The following SLC35F4 variants were observed in gnomAD, a reference collection of about 807,000 sequenced individuals.
SLC35F4 encodes the protein solute carrier family 35 member F4.
A neutral mutation model predicts 44.2 loss-of-function variants in SLC35F4; 24 were observed. The ratio of observed to expected loss-of-function variants is 0.54; its 90% CI spans 0.39 to 0.76. The LOEUF (loss-of-function observed/expected upper bound fraction) is 0.76. Ranked by LOEUF, SLC35F4 falls within the 30% of genes least tolerant of loss-of-function variation. The pLI is 0.00. For synonymous variants in SLC35F4, 238 were observed against 223.6 expected, an observed-to-expected ratio of 1.06 and a Z score of -0.57; for missense variants, 562 against 586.1, an observed-to-expected ratio of 0.96 and a Z score of 0.42.
intron 2 of SLC35F4, among the ~76,000 whole-genome samples, chr14:57,591,371 T>G (rs1250622701): frequency 1.3e-5 from 2 of 152,196 alleles, no homozygotes; most frequent in Non-Finnish European, 2.9e-5. Context: ...GTTACTCAGC[T>G]CCTTCAGCTG....
intron 1 of SLC35F4, among the ~76,000 whole-genome samples, chr14:57,883,761 G>A (rs764457055): frequency 1.7e-4 from 26 of 152,146 alleles, no homozygotes; most frequent in Non-Finnish European, 3.7e-4. Flanking sequence ...TGAGATGGCA[G>A]AGATGAAAAT....
intron 1 of SLC35F4, among the ~76,000 whole-genome samples, chr14:57,963,257 C>T (rs1433106404): frequency 6.6e-6 from 1 of 152,202 alleles, no homozygotes; most frequent in Non-Finnish European, 1.5e-5. Flanking sequence ...AGTCCAGCCT[C>T]CAGCAGGTCA....
At chr14:57,741,536 G>C (rs1454939930) in intron 1 of SLC35F4, among the ~76,000 whole-genome samples, 2 of 151,976 alleles carry the variant, frequency 1.3e-5, no homozygotes, top group Non-Finnish European at 2.9e-5. Context: ...GAGAAGTTTA[G>C]AGAAAAAAGA....
intron 1 of SLC35F4, among the ~76,000 whole-genome samples, chr14:57,606,045 T>A (rs8018860): frequency 0.71 from 107,340 of 152,070 alleles, 38,705 homozygotes; most frequent in Middle Eastern, 0.8. Flanking sequence ...ATTCATTTGT[T>A]CTTCAAACCT....
chr14:57,747,959 C>A (rs146965826), intron 1 of SLC35F4, among the ~76,000 whole-genome samples: 275 of 152,270 alleles, frequency 1.8e-3, no homozygotes, highest in Non-Finnish European at 3.2e-3. Flanking sequence ...GAAAGCAATT[C>A]ACTTTTAGGA....
chr14:57,919,904 G>A (rs951327235), intron 1 of SLC35F4, among the ~76,000 whole-genome samples: 11 of 152,072 alleles, frequency 7.2e-5, no homozygotes, highest in Admixed American at 5.9e-4. Flanking sequence ...TCTTTTAGAC[G>A]TGGTGATTCT....
chr14:57,935,929 T>C (rs1889786661), intron 1 of SLC35F4, among the ~76,000 whole-genome samples: 1 of 152,210 alleles, frequency 6.6e-6, no homozygotes, highest in African/African-American at 2.4e-5. Context: ...TAAGTTTGGA[T>C]TAAATCAGCA....
chr14:57,752,462 T>G (rs1489783001), intron 1 of SLC35F4, among the ~76,000 whole-genome samples: 1 of 150,020 alleles, frequency 6.7e-6, no homozygotes, highest in African/African-American at 2.4e-5. Context: ...TTTTTTTTTC[T>G]TTTTTTTCTT....
intron 1 of SLC35F4, among the ~76,000 whole-genome samples, chr14:57,961,036 C>A (rs1262742786): frequency 6.6e-6 from 1 of 152,130 alleles, no homozygotes; most frequent in Non-Finnish European, 1.5e-5. Context: ...TGGCAATGGA[C>A]CCCCAACTCA....
chr14:57,738,821 A>AAT (rs2076533014), intron 1 of SLC35F4, among the ~76,000 whole-genome samples: 1 of 127,530 alleles, frequency 7.8e-6, no homozygotes, highest in South Asian at 2.4e-4. Flanking sequence ...TATATATGTA[A>AAT]ATATATATAT....
chr14:57,868,963 G>C (rs535989345), upstream of SLC35F4, among the ~76,000 whole-genome samples: 31 of 152,200 alleles, frequency 2.0e-4, 1 homozygote, highest in South Asian at 6.0e-3. Flanking sequence ...TATCATGATA[G>C]CCCTTCACAT....
intron 1 of SLC35F4, among the ~76,000 whole-genome samples, chr14:57,919,262 A>T (rs550496282): frequency 6.6e-6 from 1 of 152,332 alleles, no homozygotes; most frequent in East Asian, 1.9e-4. Flanking sequence ...TTTGAGATTT[A>T]TTTATTATAG....
At chr14:57,643,941 A>G (rs1391174456) in intron 1 of SLC35F4, among the ~76,000 whole-genome samples, 1 of 152,206 alleles carries the variant, frequency 6.6e-6, no homozygotes, top group African/African-American at 2.4e-5. Flanking sequence ...TACAAAGGAC[A>G]TGAACTCATC....
At chr14:57,760,441 A>T (rs983381515) in intron 1 of SLC35F4, among the ~76,000 whole-genome samples, 1 of 152,154 alleles carries the variant, frequency 6.6e-6, no homozygotes, top group Non-Finnish European at 1.5e-5. Context: ...CCTTTATAAT[A>T]TATTTCAAAA....
At chr14:57,738,463 A>G (rs1000158470) in intron 1 of SLC35F4, among the ~76,000 whole-genome samples, 2 of 151,962 alleles carry the variant, frequency 1.3e-5, no homozygotes, top group African/African-American at 4.8e-5. Context: ...TGTACTGCAC[A>G]TGGGTTCTTG....
intron 1 of SLC35F4, among the ~76,000 whole-genome samples, chr14:57,792,678 T>C (rs1400376595): frequency 6.6e-6 from 1 of 152,110 alleles, no homozygotes; most frequent in African/African-American, 2.4e-5. Flanking sequence ...CACTCAGATA[T>C]GGAAAACCAA....
intron 1 of SLC35F4, among the ~76,000 whole-genome samples, chr14:57,963,924 T>A (rs1890385984): frequency 6.6e-6 from 1 of 151,908 alleles, no homozygotes; most frequent in Admixed American, 6.6e-5. Flanking sequence ...GGTCTCGTCA[T>A]CTTGCCCAGG....
chr14:57,712,312 C>T (rs2075835278), intron 1 of SLC35F4, among the ~76,000 whole-genome samples: 1 of 152,186 alleles, frequency 6.6e-6, no homozygotes, highest in South Asian at 2.1e-4. Flanking sequence ...GTTGTTTTCA[C>T]TGCACACAGC....
chr14:57,842,780 G>T (rs923052160), intron 1 of SLC35F4, among the ~76,000 whole-genome samples: 2 of 152,200 alleles, frequency 1.3e-5, no homozygotes, highest in African/African-American at 4.8e-5. Flanking sequence ...AGGATGCAAA[G>T]TATTGTTCCT....
Sources: allele counts gnomAD v4.1 joint callset (sites outside exome capture counted in the v4.1 genomes callset), GRCh38; gene constraint gnomAD v4.1.1; transcripts MANE v1.5; gene names NCBI Gene and HGNC (gene_info 2026-07-23, HGNC 2026-07-21).